The following COMMD10 variants were observed in gnomAD, a reference collection of about 807,000 sequenced individuals.
COMMD10 encodes the protein COMM domain containing 10.
COMMD10 carries 33 observed loss-of-function variants against 28.9 expected under a neutral mutation model. That is an observed-to-expected ratio of 1.14 (90% CI 0.87 to 1.53). The LOEUF (loss-of-function observed/expected upper bound fraction) is 1.53. COMMD10 is among the 40% of genes most tolerant of loss of function. The probability of loss-of-function intolerance (pLI) is 0.00; values close to 1 mark genes in which losing one functional copy is unlikely to be tolerated. For missense variants in COMMD10, 310 were observed against 233.4 expected (o/e 1.33, Z -2.14); for synonymous variants, 110 against 81.7 (o/e 1.35, Z -1.87).
At chr5:116,237,125 G>A (rs76217048) in intron 5 of COMMD10, among the ~76,000 whole-genome samples, 4,378 of 152,112 alleles carry the variant, frequency 0.029, 102 homozygotes, top group East Asian at 0.13. Flanking sequence ...TACGGGCAGA[G>A]GATATAACTA....
intron 5 of COMMD10, among the ~76,000 whole-genome samples, chr5:116,174,996 A>G (rs1580520579): frequency 1.3e-5 from 2 of 152,216 alleles, no homozygotes; most frequent in East Asian, 3.9e-4. Context: ...TTGCTGACTA[A>G]GAGATGTGGA....
At chr5:116,119,323 A>G (rs1751344567) in intron 4 of COMMD10, among the ~76,000 whole-genome samples, 1 of 152,204 alleles carries the variant, frequency 6.6e-6, no homozygotes, top group African/African-American at 2.4e-5. Context: ...TGTGTTTGTA[A>G]TAAGGCATTT....
intron 1 of COMMD10, chr5:116,085,448 C>A: frequency 3.4e-6 from 1 of 292,132 alleles, no homozygotes; most frequent in Non-Finnish European, 6.4e-6. Flanking sequence ...GAACGGTATT[C>A]CGTTTCCGAT....
chr5:116,106,920 A>G (rs1750858320), intron 4 of COMMD10, among the ~76,000 whole-genome samples: 1 of 151,640 alleles, frequency 6.6e-6, no homozygotes, highest in Non-Finnish European at 1.5e-5. Flanking sequence ...ATGAGTCTTG[A>G]CTCTTTATCC....
At chr5:116,290,893 C>G (rs253950) in intron 5 of COMMD10, among the ~76,000 whole-genome samples, 1 of 151,908 alleles carries the variant, frequency 6.6e-6, no homozygotes, top group Non-Finnish European at 1.5e-5. Context: ...ATCATACATA[C>G]ATATACAATA....
intron 4 of COMMD10, among the ~76,000 whole-genome samples, chr5:116,109,718 C>A (rs889810277): frequency 3.9e-5 from 6 of 152,124 alleles, no homozygotes; most frequent in African/African-American, 1.4e-4. Context: ...ACTGATTTTT[C>A]ATGTTGATTT....
At chr5:116,198,246 G>A (rs760634943) in intron 5 of COMMD10, among the ~76,000 whole-genome samples, 6 of 152,080 alleles carry the variant, frequency 3.9e-5, no homozygotes, top group Admixed American at 6.6e-5. Flanking sequence ...ACCTTTAGCA[G>A]CCAGTCTCTT....
intron 5 of COMMD10, among the ~76,000 whole-genome samples, chr5:116,175,569 A>C (rs1420301154): frequency 6.6e-6 from 1 of 152,112 alleles, no homozygotes; most frequent in African/African-American, 2.4e-5. Context: ...ATATTTATCC[A>C]CCCATGTTTG....
chr5:116,159,510 G>C (rs987822203), intron 5 of COMMD10, among the ~76,000 whole-genome samples: 1 of 152,172 alleles, frequency 6.6e-6, no homozygotes, highest in Admixed American at 6.6e-5. Context: ...TTCTGAGCTA[G>C]GTGCTGAGCA....
chr5:116,087,422 C>CTATA, intron 1 of COMMD10, 75 bp from the exon 2 acceptor site: 1 of 891,374 alleles, frequency 1.1e-6, no homozygotes, highest in Non-Finnish European at 1.9e-6. Context: ...GGAATGAAAA[C>CTATA]TTATAGACAA....
At chr5:116,172,649 T>C (rs990786390) in intron 5 of COMMD10, among the ~76,000 whole-genome samples, 1 of 152,126 alleles carries the variant, frequency 6.6e-6, no homozygotes, top group Non-Finnish European at 1.5e-5. Context: ...CAGTGTTTTG[T>C]GTTATAAAGT....
intron 5 of COMMD10, among the ~76,000 whole-genome samples, chr5:116,215,695 AATATATATAT>A (rs58135204): frequency 0.013 from 1,759 of 133,800 alleles, 44 homozygotes; most frequent in African/African-American, 0.043. Context: ...TAAAAAAAGA[AATATATATAT>A]ATATATATAT....
chr5:116,191,070 C>T (rs1021652409), intron 5 of COMMD10, among the ~76,000 whole-genome samples: 1 of 152,000 alleles, frequency 6.6e-6, no homozygotes, highest in African/African-American at 2.4e-5. Flanking sequence ...AATGAAAATA[C>T]GAGTTTATGG....
chr5:116,168,560 C>G (rs1357443065), intron 5 of COMMD10, among the ~76,000 whole-genome samples: 2 of 152,110 alleles, frequency 1.3e-5, no homozygotes, highest in Non-Finnish European at 2.9e-5. Context: ...CGCACTTATT[C>G]TAAAATTGAC....
chr5:116,232,138 A>C (rs1260998761), intron 5 of COMMD10, among the ~76,000 whole-genome samples: 3 of 152,198 alleles, frequency 2.0e-5, no homozygotes, highest in Admixed American at 6.6e-5. Context: ...ACAGCATGTC[A>C]GGATTGCATA....
chr5:116,154,952 A>C (rs529097453), intron 5 of COMMD10, among the ~76,000 whole-genome samples: 2 of 152,122 alleles, frequency 1.3e-5, no homozygotes, highest in Non-Finnish European at 1.5e-5. Context: ...ACATTTCTAA[A>C]TAAGTCCATG....
chr5:116,097,570 G>T (rs1018738897), intron 4 of COMMD10, among the ~76,000 whole-genome samples: 4 of 152,154 alleles, frequency 2.6e-5, no homozygotes, highest in African/African-American at 9.7e-5. Context: ...TATGCAGGGT[G>T]ATTTATATAG....
At chr5:116,095,952 CTT>C (rs1030400671) in intron 4 of COMMD10, among the ~76,000 whole-genome samples, 1 of 152,038 alleles carries the variant, frequency 6.6e-6, no homozygotes, top group East Asian at 1.9e-4. Context: ...TGGAATCTCT[CTT>C]TGATTTCATT....
intron 5 of COMMD10, among the ~76,000 whole-genome samples, chr5:116,167,858 G>C (rs370539177): frequency 6.6e-6 from 1 of 152,184 alleles, no homozygotes; most frequent in South Asian, 2.1e-4. Context: ...GGAAAAACTG[G>C]TACCAGCCAC....
Sources: allele counts gnomAD v4.1 joint callset (sites outside exome capture counted in the v4.1 genomes callset), GRCh38; gene constraint gnomAD v4.1.1; transcripts MANE v1.5; gene names NCBI Gene and HGNC (gene_info 2026-07-23, HGNC 2026-07-21).